The following SH3RF3 variants were observed in gnomAD, a reference collection of about 807,000 sequenced individuals.
SH3RF3 encodes the protein SH3 domain containing ring finger 3.
A neutral mutation model predicts 66.3 loss-of-function variants in SH3RF3; 29 were observed. That is an observed-to-expected ratio of 0.44 (90% CI 0.33 to 0.60). The LOEUF (loss-of-function observed/expected upper bound fraction) is 0.60, where lower values mean the gene tolerates loss of function less well. SH3RF3 is among the 20% of genes least tolerant of loss of function. SH3RF3 has a pLI of 0.04. For synonymous variants in SH3RF3, 583 were observed against 532.0 expected (o/e 1.10, Z -1.32); for missense variants, 1,194 against 1,190.9 (o/e 1.00, Z -0.04).
At chr2:109,487,474 C>T (rs1041002004) in intron 8 of SH3RF3, among the ~76,000 whole-genome samples, 13 of 152,208 alleles carry the variant, frequency 8.5e-5, no homozygotes, top group Non-Finnish European at 1.8e-4. Context: ...TCCTGGAAGG[C>T]GGACGTTTTG....
intron 1 of SH3RF3, among the ~76,000 whole-genome samples, chr2:109,327,526 A>C (rs1190828163): frequency 1.3e-5 from 2 of 152,234 alleles, no homozygotes; most frequent in African/African-American, 2.4e-5. Flanking sequence ...AATCCCGTCG[A>C]GATTTAAATT....
chr2:109,273,074 T>A (rs1680666180), intron 1 of SH3RF3, among the ~76,000 whole-genome samples: 1 of 152,238 alleles, frequency 6.6e-6, no homozygotes, highest in Admixed American at 6.5e-5. Flanking sequence ...TAGAAGTTGT[T>A]TACTGAGTAT....
intron 3 of SH3RF3, among the ~76,000 whole-genome samples, chr2:109,376,178 T>C (rs1683378318): frequency 6.6e-6 from 1 of 152,260 alleles, no homozygotes; most frequent in Non-Finnish European, 1.5e-5. Context: ...CACTGTGTCA[T>C]TCCTGAGCAC....
chr2:109,372,533 T>A (rs775819902), intron 3 of SH3RF3, among the ~76,000 whole-genome samples: 4 of 152,258 alleles, frequency 2.6e-5, no homozygotes, highest in African/African-American at 7.2e-5. Context: ...TCATTTAATC[T>A]TCTCAGCAAC....
chr2:109,478,103 G>A (rs768576355), intron 8 of SH3RF3, among the ~76,000 whole-genome samples: 9 of 152,246 alleles, frequency 5.9e-5, no homozygotes, highest in Non-Finnish European at 1.2e-4. Context: ...CCCTGCCAAG[G>A]GCTTTGAGCT....
chr2:109,151,479 T>C (rs1677224826), intron 1 of SH3RF3, among the ~76,000 whole-genome samples: 1 of 152,264 alleles, frequency 6.6e-6, no homozygotes, highest in African/African-American at 2.4e-5. Flanking sequence ...TTTAAAAATT[T>C]CTGGTAGCCA....
intron 1 of SH3RF3, among the ~76,000 whole-genome samples, chr2:109,287,030 C>T (rs372234043): frequency 6.6e-6 from 1 of 152,194 alleles, no homozygotes; most frequent in Non-Finnish European, 1.5e-5. Context: ...CTGCACTGCT[C>T]TTCCCTCTCA....
intron 2 of SH3RF3, among the ~76,000 whole-genome samples, chr2:109,369,054 C>T (rs1041584447): frequency 2.6e-5 from 4 of 152,098 alleles, no homozygotes; most frequent in African/African-American, 9.7e-5. Context: ...GAAAAGCCCT[C>T]CCACACTTGG....
chr2:109,183,071 T>G (rs1218399843), intron 1 of SH3RF3, among the ~76,000 whole-genome samples: 1 of 152,192 alleles, frequency 6.6e-6, no homozygotes, highest in Non-Finnish European at 1.5e-5. Context: ...CCACAATGAC[T>G]AATTTATTCA....
At chr2:109,482,320 G>A (rs1463997345) in intron 8 of SH3RF3, among the ~76,000 whole-genome samples, 2 of 152,124 alleles carry the variant, frequency 1.3e-5, no homozygotes, top group Non-Finnish European at 2.9e-5. Context: ...TATGTAGTCC[G>A]TTTTACACAT....
chr2:109,454,939 C>T (rs971433312), intron 8 of SH3RF3, among the ~76,000 whole-genome samples: 1 of 151,992 alleles, frequency 6.6e-6, no homozygotes, highest in East Asian at 1.9e-4. Flanking sequence ...AAAAAGTTAA[C>T]TCTCTCTTTA....
chr2:109,312,858 C>A (rs1484229047), intron 1 of SH3RF3, among the ~76,000 whole-genome samples: 1 of 152,168 alleles, frequency 6.6e-6, no homozygotes, highest in Admixed American at 6.5e-5. Flanking sequence ...TGCTTGAACA[C>A]CTGTCTTAGA....
chr2:109,450,055 G>A (rs886648679), intron 8 of SH3RF3, among the ~76,000 whole-genome samples: 5 of 152,142 alleles, frequency 3.3e-5, no homozygotes, highest in Non-Finnish European at 7.4e-5. Context: ...TTTCATAAAA[G>A]AAAATCTGGG....
intron 3 of SH3RF3, among the ~76,000 whole-genome samples, chr2:109,395,639 C>G (rs1172734040): frequency 6.6e-6 from 1 of 152,236 alleles, no homozygotes; most frequent in East Asian, 1.9e-4. Flanking sequence ...CACCCTCACT[C>G]TCTGTCTCCG....
At chr2:109,151,571 T>C (rs1677226108) in intron 1 of SH3RF3, among the ~76,000 whole-genome samples, 1 of 152,260 alleles carries the variant, frequency 6.6e-6, no homozygotes, top group Admixed American at 6.5e-5. Context: ...TGTCGGCATG[T>C]AGTTACTATG....
chr2:109,424,595 A>G (rs1474287320), intron 5 of SH3RF3, among the ~76,000 whole-genome samples: 1 of 152,174 alleles, frequency 6.6e-6, no homozygotes, highest in African/African-American at 2.4e-5. Flanking sequence ...TAATTCTTAT[A>G]ATATTTCAAA....
chr2:109,195,141 AG>A (rs1236015119), intron 1 of SH3RF3, among the ~76,000 whole-genome samples: 1 of 152,224 alleles, frequency 6.6e-6, no homozygotes. Flanking sequence ...AAAAACTAAT[AG>A]GAAAAAAAGG....
chr2:109,303,819 A>G (rs1317275505), intron 1 of SH3RF3, among the ~76,000 whole-genome samples: 1 of 152,214 alleles, frequency 6.6e-6, no homozygotes, highest in Non-Finnish European at 1.5e-5. Flanking sequence ...CACCACCATC[A>G]AGACCGTGAA....
chr2:109,310,107 C>T (rs1162354427), intron 1 of SH3RF3, among the ~76,000 whole-genome samples: 1 of 96,606 alleles, frequency 1.0e-5, no homozygotes, highest in East Asian at 2.9e-4. Flanking sequence ...CTCTCCTCAG[C>T]AAATGTAAAA....
Sources: allele counts gnomAD v4.1 joint callset (sites outside exome capture counted in the v4.1 genomes callset), GRCh38; gene constraint gnomAD v4.1.1; transcripts MANE v1.5; gene names NCBI Gene and HGNC (gene_info 2026-07-23, HGNC 2026-07-21).